The following HMCN2 variants were observed in gnomAD, a reference collection of about 807,000 sequenced individuals.
HMCN2 encodes hemicentin 2.
HMCN2 carries 325 observed loss-of-function variants against 377.5 expected under a neutral mutation model. That is an observed-to-expected ratio of 0.86 (90% CI 0.79 to 0.94). The LOEUF is 0.94. HMCN2 is among the 40% of genes least tolerant of loss of function. HMCN2 has a pLI of 0.00. For synonymous variants in HMCN2, 2,007 were observed against 2,046.8 expected, an observed-to-expected ratio of 0.98 and a Z score of 0.53; for missense variants, 4,543 against 4,725.3, an observed-to-expected ratio of 0.96 and a Z score of 1.13.
intron 43 of HMCN2, among the ~76,000 whole-genome samples, chr9:130,366,515 A>G (rs559790903): frequency 2.0e-4 from 24 of 118,354 alleles, no homozygotes; most frequent in African/African-American, 6.9e-4. Context: ...GTGCAGTGGC[A>G]CGATCTCAGC....
chr9:130,410,701 A>G, intron 85 of HMCN2, 49 bp downstream of exon 85: 1 of 1,508,012 alleles, frequency 6.6e-7, no homozygotes, highest in Non-Finnish European at 9.0e-7. Context: ...GTGCTCGGGG[A>G]CAGCGGTGGC....
At chr9:130,342,943 C>T (rs959083538) in intron 25 of HMCN2, among the ~76,000 whole-genome samples, 2 of 152,094 alleles carry the variant, frequency 1.3e-5, no homozygotes, top group Non-Finnish European at 2.9e-5. Context: ...TGCCCAGCGC[C>T]GAACCCTGCC....
Position 130,393,719 on chromosome 9 carries a change from G to T in HMCN2, c.10235-23G>T. On this transcript the variant is annotated intron_variant, in intron 67 of 97. Coordinates refer to ENST00000683500, the MANE Select transcript of HMCN2 (RefSeq NM_001291815.2). The surrounding 1 kb of genome is among the most constrained non-coding windows in gnomAD (Gnocchi z 5.2). ...AGAGTCCTGGAATAAAATGGTTCCT[G>T]CCCACCTTTCTGCCCTCCATAGTGC... 7 of 1,213,832 alleles carry T rather than the reference G, an allele frequency of 5.8e-6. No individual in the cohort carries two copies. In the South Asian group the frequency reaches 8.8e-5, roughly 15 times the overall value. 75.2% of individuals were successfully genotyped at this position (1,213,832 alleles called of 1,614,324 possible).
At chr9:130,323,997 T>C (rs1389971008) in intron 19 of HMCN2, among the ~76,000 whole-genome samples, 2 of 152,226 alleles carry the variant, frequency 1.3e-5, no homozygotes, top group Non-Finnish European at 2.9e-5. Flanking sequence ...CCACCGTGCC[T>C]GGCCTGAAAG....
chr9:130,376,037 GGGAACCTAGGGGCCCAGGCACCTGA>G (rs1383940167), intron 51 of HMCN2, 48 bp downstream of exon 51: 10 of 835,538 alleles, frequency 1.2e-5, no homozygotes, highest in Non-Finnish European at 1.3e-5. Context: ...AAGACCGCCC[GGGAACCTAGGGGCCCAGGCACCTGA>G]GCCACCCTTG....
intron 56 of HMCN2, 84 bp from the exon 57 acceptor site, chr9:130,383,420 A>G: frequency 1.8e-6 from 1 of 554,350 alleles, no homozygotes; most frequent in Non-Finnish European, 2.3e-6. Flanking sequence ...ATGGGATGGG[A>G]GGGATTCCTC....
intron 1 of HMCN2, among the ~76,000 whole-genome samples, chr9:130,270,390 T>G (rs1834355377): frequency 6.8e-6 from 1 of 147,622 alleles, no homozygotes; most frequent in South Asian, 2.2e-4. Context: ...TCACATTTAA[T>G]TCTTCAACTT....
Position 130,358,495 on chromosome 9 carries a change from G to A in HMCN2, c.5677+9G>A, listed in dbSNP as rs146423207. On this transcript the variant is annotated intron_variant, in intron 36 of 97. Transcript: ENST00000683500. ...GGCGCTGAAAGTTTTGGGTGAGGAC[G>A]TGGGTAACCAGCAGGGCCCAGGCCA... The A allele has an allele frequency of 2.6e-4, 338 of 1,304,414 alleles. 3 individuals carry two copies. In the South Asian group the frequency reaches 3.1e-3, roughly 12 times the overall value. The allele number at this position is 1,304,414 out of a possible 1,614,324, so 80.8% of individuals were successfully genotyped here.
At position 130,376,002 on chromosome 9, in the gene HMCN2, C is replaced by T; in HGVS notation, c.7918+13C>T. On this transcript the variant is annotated intron_variant, in intron 51 of 97. Transcript: ENST00000683500. ...GTGGAAGTGCTCAGTGAGTCGGGGA[C>T]CCTGGGGCACAGCCGGGTGGGCAGA... 1 of 981,076 alleles carries T rather than the reference C, an allele frequency of 1.0e-6. No individual in the cohort carries two copies. Among genetic ancestry groups the T allele is most frequent in the South Asian group, 4.7e-5 (1 of 21,168 alleles). 60.8% of individuals were successfully genotyped at this position (981,076 alleles called of 1,614,324 possible). A position where few individuals can be genotyped will look rare whatever the true frequency, so the allele number is the denominator to read the frequency against.
intron 80 of HMCN2, 85 bp downstream of exon 80, chr9:130,403,960 A>T: frequency 8.5e-7 from 1 of 1,170,764 alleles, no homozygotes; most frequent in South Asian, 1.4e-5. Flanking sequence ...TCTGCCTGGC[A>T]GGGCACACTG....
rs751451118 is a variant in HMCN2 at position 130,385,602 on chromosome 9, C to T, written c.9149C>T (p.Ala3050Val). ...FRQAPRGPQD[A>V]VLVRVGDKAV... ...CAGGCTCCCAGAGGTCCCCAGGATG[C>T]GGTCCTGGTGAGGGTCGGGGACAAA... Residue 3050 changes from alanine to valine, a missense_variant, in exon 60 of 98, where the codon GCG becomes GTG. This residue lies in a region of HMCN2 where 736 missense variants were observed against 773.2 expected (regional missense o/e 0.95). Transcript: ENST00000683500. The T allele has an allele frequency of 5.1e-5, 66 of 1,304,026 alleles. 1 individual carries two copies. Among genetic ancestry groups the T allele is most frequent in the Admixed American group, 3.2e-4 (14 of 43,546 alleles). 80.8% of individuals were successfully genotyped at this position (1,304,026 alleles called of 1,614,324 possible).
chr9:130,398,716 C>T lies in HMCN2; in HGVS notation c.11483+9C>T. ...CAGCAGGGCGCCTACCGGTAACGAGCTGGACTTTGCGGTGGCTTCCTGAGA... is the reference window on the plus strand; with the variant it reads ...CAGCAGGGCGCCTACCGGTAACGAGTTGGACTTTGCGGTGGCTTCCTGAGA... On this transcript the variant is annotated intron_variant, in intron 75 of 97. Transcript: ENST00000683500. The T allele has an allele frequency of 5.4e-6, 7 of 1,288,326 alleles. No individual in the cohort carries two copies. Among genetic ancestry groups the T allele is most frequent in the Non-Finnish European group, 7.1e-6 (7 of 987,866 alleles). The allele number at this position is 1,288,326 out of a possible 1,614,324, so 79.8% of individuals were successfully genotyped here.
chr9:130,403,258 G>T lies in HMCN2; in HGVS notation c.11943G>T (p.Leu3981=). ...CAGTGGCAGAGGAGGAGGTGCTGCT[G>T]CCCTGCGAGGCCTCAGGCATCCCCC... ...VRAVAEEEVL[L]PCEASGIPRP... Residue 3981 remains leucine (L), a synonymous_variant, in exon 79 of 98, where the codon CTG becomes CTT. Coordinates refer to ENST00000683500, the MANE Select transcript of HMCN2 (RefSeq NM_001291815.2). 2 of 1,289,818 alleles carry T rather than the reference G, an allele frequency of 1.6e-6. No individual in the cohort carries two copies. The highest frequency in any genetic ancestry group is 5.5e-5 in the East Asian group (1 of 18,022). 79.9% of individuals were successfully genotyped at this position (1,289,818 alleles called of 1,614,324 possible). A position where few individuals can be genotyped will look rare whatever the true frequency, so the allele number is the denominator to read the frequency against.
chr9:130,361,644 A>G lies in HMCN2; in HGVS notation c.5951-364A>G, dbSNP rs1840392849. Among the ~76,000 whole-genome samples the G allele has an allele frequency of 6.6e-6, 1 of 152,162 alleles. No homozygotes were observed. The highest frequency in any genetic ancestry group is 2.4e-5 in the African/African-American group (1 of 41,428). On this transcript the variant is annotated intron_variant, in intron 38 of 97. Coordinates refer to ENST00000683500, the MANE Select transcript of HMCN2 (RefSeq NM_001291815.2). This position sits in a 1 kb window ranked among gnomAD's most constrained non-coding sequence, Gnocchi z 4.8. Reference sequence around the variant, plus strand: ...TGCCTGTAATATGGTATTTCATCTCACACCCCTGAGTTAGGAAGTAGCACT... The same window carrying G: ...TGCCTGTAATATGGTATTTCATCTCGCACCCCTGAGTTAGGAAGTAGCACT...
intron 74 of HMCN2, among the ~76,000 whole-genome samples, chr9:130,398,222 A>G (rs1842704461): frequency 6.6e-6 from 1 of 151,422 alleles, no homozygotes; most frequent in Non-Finnish European, 1.5e-5. Context: ...CTAGAATCAG[A>G]TGCCCCAGTC....
chr9:130,303,526 C>G lies in HMCN2; in HGVS notation c.1461C>G (p.Ser487=). The G allele has an allele frequency of 2.3e-6, 1 of 443,956 alleles. No homozygotes were observed. Among genetic ancestry groups the G allele is most frequent in the Non-Finnish European group, 4.7e-6 (1 of 212,324 alleles). The allele number at this position is 443,956 out of a possible 1,614,324, so 27.5% of individuals were successfully genotyped here. Residue 487 remains serine (S), a synonymous_variant, in exon 10 of 98, where the codon TCC becomes TCG. Coordinates refer to ENST00000683500, the MANE Select transcript of HMCN2 (RefSeq NM_001291815.2). The surrounding 1 kb of genome is among the most constrained non-coding windows in gnomAD (Gnocchi z 5.2). ...GCAGCTGGGAGATCCTGCGGGCCTC[C>G]AAGGCCGAGGAGGGCACGTACGAGT... ...GNSSWEILRA[S]KAEEGTYECT...
At position 130,354,929 on chromosome 9, in the gene HMCN2, A is replaced by C. The variant is rs1839942946; in HGVS notation, c.5031A>C (p.Thr1677=). 1 of 1,303,764 alleles carries C rather than the reference A, an allele frequency of 7.7e-7. No homozygotes were observed. Among genetic ancestry groups the C allele is most frequent in the South Asian group, 1.2e-5 (1 of 81,030 alleles). 80.8% of individuals were successfully genotyped at this position (1,303,764 alleles called of 1,614,324 possible). ...VAESNESRLE[T]DGSVLRLESP... ...AGAGCAACGAGTCGCGGCTGGAGAC[A>C]GACGGGAGTGTGCTGAGGCTGGAGA... Residue 1677 remains threonine (T), a synonymous_variant, in exon 32 of 98, where the codon ACA becomes ACC. Coordinates refer to ENST00000683500, the MANE Select transcript of HMCN2 (RefSeq NM_001291815.2).
Position 130,396,307 on chromosome 9 carries a change from G to A in HMCN2, c.11192G>A (p.Ser3731Asn), listed in dbSNP as rs1842607782. ...GACAGGGTCCCCCTGGATCCCAGGA[G>A]CCCCAGGTGGGAGAGGGAAGGGGTG... ...RKDRVPLDPRSPRFEILPEGS... is the reference protein window; with the variant it reads ...RKDRVPLDPRNPRFEILPEGS... The change falls in exon 73 of 98, where the codon AGC becomes AAC. Residue 3731 changes from serine (S) to asparagine (N), a missense_variant. Physicochemically the swap from Ser to Asn is conservative, Grantham distance 46 (BLOSUM62 1). This residue lies in a region of HMCN2 where 1,073 missense variants were observed against 1,319.5 expected (regional missense o/e 0.81). Coordinates refer to ENST00000683500, the MANE Select transcript of HMCN2 (RefSeq NM_001291815.2). The A allele has an allele frequency of 5.5e-6, 7 of 1,269,184 alleles. No individual in the cohort carries two copies. Among genetic ancestry groups the A allele is most frequent in the African/African-American group, 1.5e-5 (1 of 65,428 alleles). 78.6% of individuals were successfully genotyped at this position (1,269,184 alleles called of 1,614,324 possible). A position where few individuals can be genotyped will look rare whatever the true frequency, so the allele number is the denominator to read the frequency against.
In HMCN2 at chr9:130,391,079, C is replaced by T. The variant is rs1022783682; in HGVS notation, c.9626C>T (p.Thr3209Ile). ...AGTYTCVAEN[T>I]QAEARKDFVV... ...ACCTACACGTGCGTGGCTGAGAACA[C>T]CCAGGCTGAGGCCCGCAAGGACTTC... Residue 3209 changes from threonine (T) to isoleucine (I), a missense_variant, in exon 63 of 98, where the codon ACC becomes ATC. Around this residue, in one of 5 missense-constraint regions of HMCN2, gnomAD observed 736 missense variants for 773.2 expected, o/e 0.95. Coordinates refer to ENST00000683500, the MANE Select transcript of HMCN2 (RefSeq NM_001291815.2). 5 of 987,742 alleles carry T rather than the reference C, an allele frequency of 5.1e-6. No individual in the cohort carries two copies. The African/African-American group carries it at 7.0e-5, about 14-fold the overall frequency. 61.2% of individuals were successfully genotyped at this position (987,742 alleles called of 1,614,324 possible).
Sources: allele counts gnomAD v4.1 joint callset (sites outside exome capture counted in the v4.1 genomes callset), GRCh38; gene constraint gnomAD v4.1.1; regional missense constraint gnomAD v4.1.1; non-coding constraint Gnocchi (gnomAD v3.1); transcripts MANE v1.5; gene names NCBI Gene and HGNC (gene_info 2026-07-23, HGNC 2026-07-21).